The following C1QTNF7 variants were observed in gnomAD, a reference collection of about 807,000 sequenced individuals.
C1QTNF7 encodes the protein C1q and TNF related 7.
In C1QTNF7, 15 loss-of-function variants were observed where a neutral mutation model predicts 19.6. The observed-to-expected ratio is 0.76, with a 90% CI of 0.51 to 1.18. The LOEUF is 1.18. C1QTNF7 is among the 50% of genes most tolerant of loss of function. C1QTNF7 has a pLI of 0.00. For synonymous variants in C1QTNF7, 142 were observed against 137.5 expected, an observed-to-expected ratio of 1.03 and a Z score of -0.23; for missense variants, 324 against 359.7, an observed-to-expected ratio of 0.90 and a Z score of 0.80.
rs1277326500 is a variant in C1QTNF7, at chr4:15,443,102, G to T, written c.*303G>T. The T allele has an allele frequency of 5.0e-6, 1 of 201,848 alleles. No homozygotes were observed. The highest frequency in any genetic ancestry group is 9.9e-6 in the Non-Finnish European group (1 of 100,996). The allele number at this position is 201,848 out of a possible 1,614,324, so 12.5% of individuals were successfully genotyped here. A position where few individuals can be genotyped will look rare whatever the true frequency, so the allele number is the denominator to read the frequency against. ...ATGCCCTGAGTGATAAAACCAGTTG[G>T]CAATAATATTGCCTTATTAAATCTT... On this transcript the variant is annotated 3_prime_UTR_variant, in exon 3 of 3. Transcript: ENST00000444304.
At position 15,388,775 on chromosome 4, in the gene C1QTNF7, A is replaced by G. The variant is rs116375652; in HGVS notation, c.14-46961A>G. 3.1e-3 allele frequency among the ~76,000 whole-genome samples: 478 copies of G among 152,334 alleles called. 4 individuals carry two copies. The highest frequency in any genetic ancestry group is 0.011 in the African/African-American group (447 of 41,566). On this transcript the variant is annotated intron_variant, in intron 1 of 2. Coordinates refer to the C1QTNF7 transcript ENST00000295297. Reference sequence around the variant, plus strand: ...TGAAATCACTGAGAGTTATGACAGTAATGTTGGAGAAAGTGACAGGGGATC... The same window carrying G: ...TGAAATCACTGAGAGTTATGACAGTGATGTTGGAGAAAGTGACAGGGGATC...
In C1QTNF7 at chr4:15,428,119, C is replaced by T; in HGVS notation, c.-9+13C>T. ...ATCTAAGAGCAAGGTATGGTGTTTA[C>T]TCTTTTTTTTAGAATTTTGGCAAAT... On this transcript the variant is annotated intron_variant, in intron 1 of 2. Transcript: ENST00000444304. The T allele has an allele frequency of 5.1e-6, 5 of 983,206 alleles. No homozygotes were observed. The highest frequency in any genetic ancestry group is 6.0e-6 in the Non-Finnish European group (5 of 827,966). The allele number at this position is 983,206 out of a possible 1,614,324, so 60.9% of individuals were successfully genotyped here. A position where few individuals can be genotyped will look rare whatever the true frequency, so the allele number is the denominator to read the frequency against.
intron 2 of C1QTNF7, among the ~76,000 whole-genome samples, chr4:15,437,630 AC>A (rs927485163): frequency 7.2e-5 from 11 of 152,332 alleles, no homozygotes; most frequent in African/African-American, 1.7e-4. Flanking sequence ...GGCTAACTAT[AC>A]CACCACATTC....
At chr4:15,360,832 C>A (rs557382345) in intron 1 of C1QTNF7, among the ~76,000 whole-genome samples, 4 of 152,178 alleles carry the variant, frequency 2.6e-5, no homozygotes, top group African/African-American at 7.2e-5. Context: ...CTTCAAACAA[C>A]GAGGACTTTT....
intron 1 of C1QTNF7, among the ~76,000 whole-genome samples, chr4:15,347,872 A>C (rs377161542): frequency 6.6e-6 from 1 of 152,180 alleles, no homozygotes; most frequent in South Asian, 2.1e-4. Flanking sequence ...TCATTTCTTA[A>C]ACTTGCAGTA....
At chr4:15,399,009 T>C (rs918365544) in intron 1 of C1QTNF7, among the ~76,000 whole-genome samples, 3 of 152,074 alleles carry the variant, frequency 2.0e-5, no homozygotes. Context: ...ATGCGCAGTG[T>C]GTTTACTGGA....
At chr4:15,427,986 T>A (rs1712128863), upstream of C1QTNF7, 1 of 972,236 alleles carries the variant, frequency 1.0e-6, no homozygotes, top group Non-Finnish European at 1.2e-6. Flanking sequence ...TGGAAATCTT[T>A]GAGAATTTGG....
intron 1 of C1QTNF7, among the ~76,000 whole-genome samples, chr4:15,347,444 G>T (rs1010459000): frequency 6.6e-6 from 1 of 152,132 alleles, no homozygotes; most frequent in Non-Finnish European, 1.5e-5. Context: ...TTCTCTCAGG[G>T]TCTTCCTGTG....
rs1038737777 is a variant in C1QTNF7, at chr4:15,444,430, G to C, written c.*1631G>C. ...CACTTGGAGGGTTGCATGGCGGCTG[G>C]GCAAAGGTGCTCCCCACTTCCCAGA... On this transcript the variant is annotated 3_prime_UTR_variant, in exon 3 of 3. Transcript: ENST00000444304. 1.3e-5 allele frequency: 2 copies of C among 152,040 alleles called. No homozygotes were observed. The highest frequency in any genetic ancestry group is 2.9e-5 in the Non-Finnish European group (2 of 68,034). The allele number at this position is 152,040 out of a possible 1,614,324, so 9.4% of individuals were successfully genotyped here.
At chr4:15,415,598 C>G (rs991816438) in intron 1 of C1QTNF7, among the ~76,000 whole-genome samples, 1 of 147,724 alleles carries the variant, frequency 6.8e-6, no homozygotes, top group African/African-American at 2.5e-5. Context: ...GGTATTGGGC[C>G]TTCTCTTTTT....
intron 1 of C1QTNF7, among the ~76,000 whole-genome samples, chr4:15,366,876 G>A (rs1028525222): frequency 6.6e-6 from 1 of 152,166 alleles, no homozygotes; most frequent in Admixed American, 6.5e-5. Flanking sequence ...GAGACAGCAG[G>A]GTCATGCTGA....
intron 1 of C1QTNF7, among the ~76,000 whole-genome samples, chr4:15,400,852 T>C (rs1418100346): frequency 3.3e-5 from 5 of 152,220 alleles, no homozygotes; most frequent in Admixed American, 3.3e-4. Context: ...TCTTTGTTCA[T>C]TGTGGGCCCT....
At chr4:15,424,488 T>TC (rs1711947844), upstream of C1QTNF7, among the ~76,000 whole-genome samples, 1 of 152,024 alleles carries the variant, frequency 6.6e-6, no homozygotes, top group South Asian at 2.1e-4. Flanking sequence ...CTTGCAGTGC[T>TC]CCCCCCACCA....
chr4:15,430,846 A>G (rs530515499), intron 1 of C1QTNF7, among the ~76,000 whole-genome samples: 29 of 152,356 alleles, frequency 1.9e-4, no homozygotes, highest in African/African-American at 6.3e-4. Context: ...ATGTGAAAAA[A>G]TGAAACAAAA....
intron 1 of C1QTNF7, among the ~76,000 whole-genome samples, chr4:15,352,456 G>T (rs1716973607): frequency 6.6e-6 from 1 of 152,164 alleles, no homozygotes; most frequent in Admixed American, 6.5e-5. Context: ...TTGCAGAGCT[G>T]CATGCTCCCT....
At chr4:15,395,063 G>T (rs763107551) in intron 1 of C1QTNF7, among the ~76,000 whole-genome samples, 1 of 152,186 alleles carries the variant, frequency 6.6e-6, no homozygotes, top group African/African-American at 2.4e-5. Context: ...GCCACACAGG[G>T]CCACATGGGA....
rs1459354044 is a variant in C1QTNF7 at position 15,444,644 on chromosome 4, T to C, written c.*1845T>C. ...TTTTGGATGAGAAAATGATAAAATA[T>C]GCTAAGTTCTAGGCTGGAAATAAGG... On this transcript the variant is annotated 3_prime_UTR_variant, in exon 3 of 3. Transcript: ENST00000444304. 6 of 152,164 alleles carry C rather than the reference T, an allele frequency of 3.9e-5. No individual in the cohort carries two copies. Among genetic ancestry groups the C allele is most frequent in the Non-Finnish European group, 8.8e-5 (6 of 68,026 alleles). 9.4% of individuals were successfully genotyped at this position (152,164 alleles called of 1,614,324 possible). A position where few individuals can be genotyped will look rare whatever the true frequency, so the allele number is the denominator to read the frequency against.
intron 1 of C1QTNF7, among the ~76,000 whole-genome samples, chr4:15,364,844 GTTAT>G (rs1410801282): frequency 3.3e-5 from 5 of 152,176 alleles, no homozygotes; most frequent in Non-Finnish European, 7.4e-5. Flanking sequence ...TCACAGCTGT[GTTAT>G]AAATACGTTG....
intron 1 of C1QTNF7, among the ~76,000 whole-genome samples, chr4:15,366,808 T>C (rs1717539454): frequency 6.6e-6 from 1 of 152,116 alleles, no homozygotes; most frequent in African/African-American, 2.4e-5. Flanking sequence ...ACCAACTAAG[T>C]GAGAGCTTCA....
Sources: gnomAD v4.1 joint callset for allele counts (sites outside exome capture counted in the v4.1 genomes callset) on GRCh38, gnomAD v4.1.1 for gene constraint, MANE v1.5 for transcripts, NCBI Gene and HGNC (gene_info 2026-07-23, HGNC 2026-07-21) for gene names.